LSAMP: variants seen among roughly 807,000 people sequenced by gnomAD.
LSAMP encodes limbic system associated membrane protein.
LSAMP carries 7 observed loss-of-function variants against 38.6 expected under a neutral mutation model. The ratio of observed to expected loss-of-function variants is 0.18; its 90% CI spans 0.10 to 0.34. The LOEUF (loss-of-function observed/expected upper bound fraction) is 0.34. LSAMP is among the 10% of genes least tolerant of loss of function. LSAMP has a pLI of 1.00. For missense variants in LSAMP, 313 were observed against 420.0 expected (o/e 0.75, Z 2.23); for synonymous variants, 154 against 166.8 (o/e 0.92, Z 0.59).
chr3:116,320,827 TG>T (rs1217316955), intron 1 of LSAMP, among the ~76,000 whole-genome samples: 1 of 152,084 alleles, frequency 6.6e-6, no homozygotes, highest in Non-Finnish European at 1.5e-5. Flanking sequence ...GTTTCATACT[TG>T]GGTAAATTTA....
chr3:116,388,005 G>A (rs1288271397), intron 1 of LSAMP, among the ~76,000 whole-genome samples: 1 of 152,110 alleles, frequency 6.6e-6, no homozygotes, highest in Non-Finnish European at 1.5e-5. Context: ...TCGGGAGGCT[G>A]AGGCAGGAGA....
rs376545512 is a variant in LSAMP at position 116,111,033 on chromosome 3, A to G, written c.156-24477T>C. 1.2e-3 allele frequency among the ~76,000 whole-genome samples: 184 copies of G among 152,248 alleles called. 1 individual carries two copies. Among genetic ancestry groups the G allele is most frequent in the African/African-American group, 3.4e-3 (140 of 41,552 alleles). On this transcript the variant is annotated intron_variant, in intron 1 of 6. Transcript: ENST00000490035. ...CTCAGTGGGGGAGCTTCTGAGCCAG[A>G]AGAAGGAAATTCACAGGGTTAATCA...
intron 1 of LSAMP, among the ~76,000 whole-genome samples, chr3:116,394,998 A>G (rs1214641676): frequency 6.6e-6 from 1 of 152,158 alleles, no homozygotes; most frequent in East Asian, 1.9e-4. Context: ...AAGGCAGGCC[A>G]TCTCTGTGTT....
At chr3:116,002,588 G>A (rs929161403) in intron 3 of LSAMP, among the ~76,000 whole-genome samples, 4 of 152,158 alleles carry the variant, frequency 2.6e-5, no homozygotes, top group Admixed American at 6.5e-5. Context: ...ATAAGGGGAA[G>A]TCATGATTAA....
chr3:116,147,220 TC>T (rs766428863), intron 1 of LSAMP, among the ~76,000 whole-genome samples: 3 of 151,936 alleles, frequency 2.0e-5, no homozygotes, highest in Admixed American at 6.6e-5. Context: ...ATTTCAAGTC[TC>T]CTATTCAGCA....
chr3:116,271,072 T>C (rs1003516472), intron 1 of LSAMP, among the ~76,000 whole-genome samples: 1 of 152,030 alleles, frequency 6.6e-6, no homozygotes, highest in African/African-American at 2.4e-5. Flanking sequence ...AAATACACAT[T>C]AGATAATGAT....
chr3:116,224,291 A>G (rs748866244), intron 1 of LSAMP, among the ~76,000 whole-genome samples: 5 of 152,216 alleles, frequency 3.3e-5, no homozygotes, highest in Admixed American at 6.5e-5. Flanking sequence ...AAGAATCCTC[A>G]AGCATTTTAC....
intron 1 of LSAMP, among the ~76,000 whole-genome samples, chr3:116,309,603 G>A (rs1298571162): frequency 6.6e-6 from 1 of 152,054 alleles, no homozygotes; most frequent in Non-Finnish European, 1.5e-5. Context: ...TATAAACTTT[G>A]TATTTGTTTC....
At chr3:115,877,845 G>C (rs2107419129) in intron 3 of LSAMP, among the ~76,000 whole-genome samples, 1 of 152,144 alleles carries the variant, frequency 6.6e-6, no homozygotes, top group Non-Finnish European at 1.5e-5. Context: ...TGGGGAGGGG[G>C]GTTGCAAAAA....
At chr3:115,990,002 A>G (rs1053533698) in intron 3 of LSAMP, among the ~76,000 whole-genome samples, 5 of 152,156 alleles carry the variant, frequency 3.3e-5, no homozygotes, top group African/African-American at 1.2e-4. Context: ...ATAGGATTGG[A>G]ATTTAAAATC....
chr3:115,990,253 A>C (rs1297195222), intron 3 of LSAMP, among the ~76,000 whole-genome samples: 1 of 151,988 alleles, frequency 6.6e-6, no homozygotes. Context: ...CATAATGATC[A>C]ATTTAATCAC....
At chr3:115,832,407 A>G (rs1934640328) in intron 6 of LSAMP, among the ~76,000 whole-genome samples, 1 of 152,196 alleles carries the variant, frequency 6.6e-6, no homozygotes, top group Non-Finnish European at 1.5e-5. Flanking sequence ...GATGGTGACA[A>G]TATATGATAT....
At chr3:115,905,469 A>G (rs556623607) in intron 3 of LSAMP, among the ~76,000 whole-genome samples, 1 of 152,168 alleles carries the variant, frequency 6.6e-6, no homozygotes, top group East Asian at 1.9e-4. Flanking sequence ...AAGCCCCCAA[A>G]ATGTACCTGT....
intron 1 of LSAMP, among the ~76,000 whole-genome samples, chr3:116,282,127 C>A (rs1300016308): frequency 6.6e-6 from 1 of 152,194 alleles, no homozygotes; most frequent in Non-Finnish European, 1.5e-5. Flanking sequence ...GGAAAACAGA[C>A]TGCGCTCATG....
chr3:116,242,083 T>G, intron 1 of LSAMP, among the ~76,000 whole-genome samples: 1 of 152,268 alleles, frequency 6.6e-6, no homozygotes, highest in Middle Eastern at 3.2e-3. Flanking sequence ...CCCTCCCATG[T>G]GTTATTTTGC....
chr3:116,387,977 G>T (rs1196828393), intron 1 of LSAMP, among the ~76,000 whole-genome samples: 5 of 152,014 alleles, frequency 3.3e-5, no homozygotes, highest in Non-Finnish European at 7.4e-5. Context: ...GGTGGTGGGT[G>T]CCTGTAGTCC....
chr3:116,172,797 T>C (rs926261503), intron 1 of LSAMP, among the ~76,000 whole-genome samples: 7 of 152,036 alleles, frequency 4.6e-5, no homozygotes, highest in Non-Finnish European at 8.8e-5. Flanking sequence ...AGTGTCATGA[T>C]TCAAGTTTTG....
intron 3 of LSAMP, among the ~76,000 whole-genome samples, chr3:115,946,051 G>C (rs1298177538): frequency 6.6e-6 from 1 of 152,074 alleles, no homozygotes; most frequent in Non-Finnish European, 1.5e-5. Context: ...AAGCATCACA[G>C]TCAATATAAA....
At chr3:115,826,471 G>A (rs1259361076) in intron 6 of LSAMP, among the ~76,000 whole-genome samples, 2 of 152,072 alleles carry the variant, frequency 1.3e-5, no homozygotes, top group Non-Finnish European at 2.9e-5. Context: ...ACTAGCTAAT[G>A]TGCCCTGGTT....
Sources: allele counts gnomAD v4.1 joint callset (sites outside exome capture counted in the v4.1 genomes callset), GRCh38; gene constraint gnomAD v4.1.1; transcripts MANE v1.5; gene names NCBI Gene and HGNC (gene_info 2026-07-23, HGNC 2026-07-21).